The following MAF variants were observed in gnomAD, a reference collection of about 807,000 sequenced individuals.
The protein encoded by MAF is MAF bZIP transcription factor.
In MAF, 10 loss-of-function variants were observed where a neutral mutation model predicts 22.0. That is an observed-to-expected ratio of 0.45 (90% CI 0.28 to 0.77). MAF has a LOEUF of 0.77. Ranked by LOEUF, MAF falls within the 30% of genes least tolerant of loss-of-function variation. The pLI is 0.12. For synonymous variants in MAF, 337 were observed against 255.8 expected (o/e 1.32, Z -3.03); for missense variants, 544 against 548.4 (o/e 0.99, Z 0.08).
the MAF span, among the ~76,000 whole-genome samples, chr16:79,240,375 G>A: frequency 2.0e-5 from 3 of 150,608 alleles, no homozygotes; most frequent in African/African-American, 7.3e-5. Context: ...CCACTCCCAA[G>A]CCCTACAACA....
chr16:79,541,813 G>C, the MAF span, among the ~76,000 whole-genome samples: 4 of 151,740 alleles, frequency 2.6e-5, no homozygotes, highest in African/African-American at 9.7e-5. Context: ...GCACCACCAC[G>C]CCCAGCTAAT....
chr16:79,387,840 G>A, the MAF span, among the ~76,000 whole-genome samples: 1 of 152,098 alleles, frequency 6.6e-6, no homozygotes, highest in Non-Finnish European at 1.5e-5. Context: ...CATCACGTGA[G>A]GATTCCAATC....
the MAF span, among the ~76,000 whole-genome samples, chr16:79,214,212 T>A: frequency 6.6e-6 from 1 of 152,176 alleles, no homozygotes; most frequent in Non-Finnish European, 1.5e-5. Flanking sequence ...TATGTGTCTA[T>A]TTTTTCTGTC....
the MAF span, among the ~76,000 whole-genome samples, chr16:79,504,657 A>G: frequency 2.6e-5 from 4 of 152,192 alleles, no homozygotes; most frequent in East Asian, 5.8e-4. Context: ...AAATGAATGG[A>G]TGAATGTATG....
the MAF span, among the ~76,000 whole-genome samples, chr16:79,280,721 A>G: frequency 6.6e-6 from 1 of 152,082 alleles, no homozygotes; most frequent in East Asian, 1.9e-4. Flanking sequence ...ATCTCCATCC[A>G]CTGTCTTGTC....
chr16:79,529,276 A>G, the MAF span, among the ~76,000 whole-genome samples: 1 of 152,178 alleles, frequency 6.6e-6, no homozygotes, highest in Non-Finnish European at 1.5e-5. Flanking sequence ...CTTTGGAGTC[A>G]GATGGATCCA....
At chr16:79,532,719 C>T in the MAF span, among the ~76,000 whole-genome samples, 7 of 152,218 alleles carry the variant, frequency 4.6e-5, no homozygotes, top group South Asian at 2.1e-4. Context: ...CGCGTGCATG[C>T]GTGAGTGCAG....
chr16:79,304,253 A>C, the MAF span, among the ~76,000 whole-genome samples: 1 of 152,164 alleles, frequency 6.6e-6, no homozygotes, highest in South Asian at 2.1e-4. Context: ...CAGCCCGGGA[A>C]GCATCGCTCC....
chr16:79,450,931 T>C, the MAF span, among the ~76,000 whole-genome samples: 3 of 152,108 alleles, frequency 2.0e-5, no homozygotes, highest in Non-Finnish European at 1.5e-5. Flanking sequence ...TAGCAGAGAA[T>C]AGACACTGAT....
chr16:79,249,740 C>T, the MAF span, among the ~76,000 whole-genome samples: 16 of 152,114 alleles, frequency 1.1e-4, no homozygotes, highest in South Asian at 4.2e-4. Context: ...GGCTGTTCCC[C>T]GCTCCCTCCC....
the MAF span, among the ~76,000 whole-genome samples, chr16:79,322,094 T>A: frequency 2.0e-5 from 3 of 152,032 alleles, no homozygotes; most frequent in Non-Finnish European, 4.4e-5. Context: ...TAGCCGGGTG[T>A]GGTAGCACAT....
the MAF span, among the ~76,000 whole-genome samples, chr16:79,468,446 G>C: frequency 2.0e-5 from 3 of 152,248 alleles, no homozygotes; most frequent in Admixed American, 2.0e-4. Context: ...AGGGAGCCAA[G>C]TCCGTGGAGG....
At chr16:79,264,150 G>T in the MAF span, among the ~76,000 whole-genome samples, 2 of 152,302 alleles carry the variant, frequency 1.3e-5, no homozygotes. Flanking sequence ...TGAGAAGTGA[G>T]ATCATATTGT....
the MAF span, among the ~76,000 whole-genome samples, chr16:79,485,156 T>C: frequency 6.6e-6 from 1 of 152,204 alleles, no homozygotes. Context: ...AACAGTGATC[T>C]CTTTAAAGGC....
the MAF span, chr16:79,212,293 A>G: frequency 6.9e-3 from 7,252 of 1,052,788 alleles, 111 homozygotes; most frequent in East Asian, 0.051. Context: ...GAGCCAGCTT[A>G]GCAACTGCTG....
At chr16:79,579,750 C>A in the MAF span, among the ~76,000 whole-genome samples, 1 of 152,142 alleles carries the variant, frequency 6.6e-6, no homozygotes, top group African/African-American at 2.4e-5. Context: ...ACACTAGGAT[C>A]TCATCTTTCC....
At chr16:79,297,162 C>T in the MAF span, among the ~76,000 whole-genome samples, 1 of 152,106 alleles carries the variant, frequency 6.6e-6, no homozygotes. Context: ...AGGCCCTGCT[C>T]CATCATTTAA....
the MAF span, among the ~76,000 whole-genome samples, chr16:79,376,346 C>A: frequency 1.3e-5 from 2 of 151,880 alleles, no homozygotes; most frequent in Non-Finnish European, 2.9e-5. Flanking sequence ...CTGCTTTTGC[C>A]TTTAATAAAT....
the MAF span, among the ~76,000 whole-genome samples, chr16:79,484,866 G>A: frequency 6.6e-6 from 1 of 152,204 alleles, no homozygotes; most frequent in Non-Finnish European, 1.5e-5. Context: ...GAAAGGACCT[G>A]AAGGTCTGGC....
Sources: gnomAD v4.1 joint callset for allele counts (sites outside exome capture counted in the v4.1 genomes callset) on GRCh38, gnomAD v4.1.1 for gene constraint, MANE v1.5 for transcripts, NCBI Gene and HGNC (gene_info 2026-07-23, HGNC 2026-07-21) for gene names.